The following CDH7 variants were observed in gnomAD, a reference collection of about 807,000 sequenced individuals.
The protein encoded by CDH7 is cadherin 7, also known as cadherin-7.
Under a neutral mutation model 71.8 loss-of-function variants are expected in CDH7, and 25 were observed. The observed-to-expected ratio is 0.35, with a 90% CI of 0.25 to 0.49. CDH7 has a LOEUF of 0.49. Among genes scored for constraint, CDH7 ranks in the 20% least tolerant of loss-of-function variants. CDH7 has a pLI of 0.99. For synonymous variants in CDH7, 381 were observed against 363.8 expected (o/e 1.05, Z -0.54); for missense variants, 862 against 974.6 (o/e 0.88, Z 1.54).
chr18:65,762,777 T>C lies in CDH7; in HGVS notation c.-66T>C, dbSNP rs904287653. 2 of 1,407,224 alleles carry C rather than the reference T, an allele frequency of 1.4e-6. No individual in the cohort carries two copies. The highest frequency in any genetic ancestry group is 2.9e-5 in the African/African-American group (2 of 69,234). The allele number at this position is 1,407,224 out of a possible 1,614,324, so 87.2% of individuals were successfully genotyped here. ...CGGAGGCAAGAGCTACTAAGCCAACTGGAACTGTGCCTTTTCTCTTGTCAA... is the reference window on the plus strand; with the variant it reads ...CGGAGGCAAGAGCTACTAAGCCAACCGGAACTGTGCCTTTTCTCTTGTCAA... On this transcript the variant is annotated 5_prime_UTR_variant, in exon 2 of 12. Coordinates refer to ENST00000397968, the MANE Select transcript of CDH7 (RefSeq NM_004361.5).
At chr18:65,819,748 A>G (rs1306951320) in intron 4 of CDH7, among the ~76,000 whole-genome samples, 2 of 151,774 alleles carry the variant, frequency 1.3e-5, no homozygotes, top group Non-Finnish European at 2.9e-5. Flanking sequence ...TCCCCTTGGA[A>G]TGGTAGTGCA....
chr18:65,812,778 T>C (rs750345430), intron 3 of CDH7, among the ~76,000 whole-genome samples: 19 of 152,204 alleles, frequency 1.2e-4, no homozygotes, highest in Non-Finnish European at 2.1e-4. Flanking sequence ...ACAGCCAAAC[T>C]TACTGAAGTT....
chr18:65,878,955 T>G (rs8085400), intron 11 of CDH7, among the ~76,000 whole-genome samples: 82,536 of 152,072 alleles, frequency 0.54, 25,955 homozygotes, highest in East Asian at 0.92. Context: ...AACAATTGTT[T>G]TCACAACTAT....
At chr18:65,849,339 T>TTTTTCTTTTCTTTTCTTTTCTTTTC (rs71167161) in intron 7 of CDH7, among the ~76,000 whole-genome samples, 1 of 82,754 alleles carries the variant, frequency 1.2e-5, no homozygotes, top group Non-Finnish European at 2.7e-5. Context: ...TAGCCTTTCC[T>TTTTTCTTTTCTTTTCTTTTCTTTTC]TTTTCTTTTC....
chr18:65,776,637 T>C (rs1272996272), intron 2 of CDH7, among the ~76,000 whole-genome samples: 1 of 152,126 alleles, frequency 6.6e-6, no homozygotes, highest in African/African-American at 2.4e-5. Context: ...TCTTTCTCTC[T>C]CTTTTTCTTG....
At chr18:65,756,224 T>A (rs1388057874) in intron 1 of CDH7, among the ~76,000 whole-genome samples, 1 of 152,184 alleles carries the variant, frequency 6.6e-6, no homozygotes, top group Non-Finnish European at 1.5e-5. Flanking sequence ...ACAATATTTT[T>A]TCTATTTTGG....
chr18:65,770,496 C>T (rs1450125779), intron 2 of CDH7, among the ~76,000 whole-genome samples: 2 of 152,136 alleles, frequency 1.3e-5, no homozygotes, highest in Admixed American at 1.3e-4. Flanking sequence ...GGGTTGAAAT[C>T]TAAACAACTC....
At chr18:65,766,665 A>G (rs915060796) in intron 2 of CDH7, among the ~76,000 whole-genome samples, 1 of 151,966 alleles carries the variant, frequency 6.6e-6, no homozygotes, top group East Asian at 1.9e-4. Context: ...GTATGTTTTA[A>G]TTACCATCAT....
intron 11 of CDH7, among the ~76,000 whole-genome samples, chr18:65,879,203 C>T (rs184015669): frequency 1.3e-5 from 2 of 152,214 alleles, no homozygotes; most frequent in South Asian, 2.1e-4. Flanking sequence ...TGATGTCCTT[C>T]ATGGTTTTAT....
rs1218025063 is a variant in CDH7 at position 65,781,894 on chromosome 18, TTCTC to T, written c.210+18846_210+18849del. On this transcript the variant is annotated intron_variant, in intron 2 of 11. Coordinates refer to ENST00000397968, the MANE Select transcript of CDH7 (RefSeq NM_004361.5). ...TCTCTCTCTCTGTCTCTCTCTCTCT[TTCTC>T]TCTATCTTTCTCTCTTTCTCTCTTT... 1.8e-3 allele frequency among the ~76,000 whole-genome samples: 104 copies of T among 59,406 alleles called. 14 individuals carry two copies. The Middle Eastern group carries it at 0.034, about 19-fold the overall frequency. The allele number at this position is 59,406 out of a possible 152,430, so 39.0% of individuals were successfully genotyped here. A position where few individuals can be genotyped will look rare whatever the true frequency, so the allele number is the denominator to read the frequency against.
At position 65,880,952 on chromosome 18, in the gene CDH7, A is replaced by G; in HGVS notation, c.*58A>G. 1 of 1,477,960 alleles carries G rather than the reference A, an allele frequency of 6.8e-7. No homozygotes were observed. The highest frequency in any genetic ancestry group is 9.1e-7 in the Non-Finnish European group (1 of 1,103,704). The allele number at this position is 1,477,960 out of a possible 1,614,324, so 91.6% of individuals were successfully genotyped here. A position where few individuals can be genotyped will look rare whatever the true frequency, so the allele number is the denominator to read the frequency against. ...AAAAGTAACAGCAAAAAATAAAATA[A>G]AATGAAATAAAATAATAAACCACTA... On this transcript the variant is annotated 3_prime_UTR_variant, in exon 12 of 12. Transcript: ENST00000397968.
chr18:65,874,773 G>A (rs1470256693), intron 11 of CDH7, among the ~76,000 whole-genome samples: 1 of 151,796 alleles, frequency 6.6e-6, no homozygotes. Flanking sequence ...ATATAGATAT[G>A]TGGCCTTATT....
chr18:65,756,829 C>G (rs1321313205), intron 1 of CDH7, among the ~76,000 whole-genome samples: 1 of 152,158 alleles, frequency 6.6e-6, no homozygotes, highest in Admixed American at 6.5e-5. Context: ...AGAAAGCATA[C>G]AGCACTGTGT....
chr18:65,849,760 T>C (rs1008478919), intron 7 of CDH7, among the ~76,000 whole-genome samples: 10 of 152,132 alleles, frequency 6.6e-5, no homozygotes, highest in African/African-American at 2.2e-4. Flanking sequence ...AAAGCTCTGC[T>C]GTCAGCAAAG....
intron 1 of CDH7, among the ~76,000 whole-genome samples, chr18:65,759,542 A>T (rs942909120): frequency 6.6e-6 from 1 of 151,894 alleles, no homozygotes; most frequent in Non-Finnish European, 1.5e-5. Flanking sequence ...ATGAGCCACC[A>T]CACCCGGCCC....
chr18:65,789,478 T>TTA (rs1910632018), intron 2 of CDH7, among the ~76,000 whole-genome samples: 1 of 149,116 alleles, frequency 6.7e-6, no homozygotes, highest in East Asian at 2.0e-4. Context: ...TTTGTTTGTT[T>TTA]TTTTTTGTTT....
At chr18:65,818,289 T>C (rs1028129902) in intron 4 of CDH7, among the ~76,000 whole-genome samples, 24 of 152,222 alleles carry the variant, frequency 1.6e-4, no homozygotes, top group African/African-American at 5.5e-4. Flanking sequence ...TGGTTATCAA[T>C]ATGTTACAGA....
At chr18:65,767,212 A>AAATTTAAGCTTACTTGGAAGCATTGG (rs1916405257) in intron 2 of CDH7, among the ~76,000 whole-genome samples, 1 of 151,630 alleles carries the variant, frequency 6.6e-6, no homozygotes, top group South Asian at 2.1e-4. Flanking sequence ...GCTTTGCTTT[A>AAATTTAAGCTTACTTGGAAGCATTGG]AATTTAAGCT....
intron 4 of CDH7, among the ~76,000 whole-genome samples, chr18:65,817,803 A>G (rs1362118879): frequency 6.6e-6 from 1 of 152,200 alleles, no homozygotes; most frequent in African/African-American, 2.4e-5. Context: ...TATGAAATTC[A>G]TTTATAATTT....
Sources: gnomAD v4.1 joint callset for allele counts (sites outside exome capture counted in the v4.1 genomes callset) on GRCh38, gnomAD v4.1.1 for gene constraint, MANE v1.5 for transcripts, NCBI Gene and HGNC (gene_info 2026-07-23, HGNC 2026-07-21) for gene names.